Variants in WDFY3 observed in about 807,000 individuals in gnomAD.
The protein encoded by WDFY3 is WD repeat and FYVE domain-containing protein 3.
Under a neutral mutation model 409.6 loss-of-function variants are expected in WDFY3, and 66 were observed. The observed-to-expected ratio is 0.16, with a 90% CI of 0.13 to 0.20. The LOEUF (loss-of-function observed/expected upper bound fraction) is 0.20, where lower values mean the gene tolerates loss of function less well. Among genes scored for constraint, WDFY3 ranks in the 10% least tolerant of loss-of-function variants. The probability of loss-of-function intolerance (pLI) is 1.00; values close to 1 mark genes in which losing one functional copy is unlikely to be tolerated. For synonymous variants in WDFY3, 1,521 were observed against 1,537.1 expected, an observed-to-expected ratio of 0.99 and a Z score of 0.25; for missense variants, 3,031 against 4,298.1, an observed-to-expected ratio of 0.71 and a Z score of 8.24.
At chr4:84,838,464 A>G (rs543119118) in intron 6 of WDFY3, among the ~76,000 whole-genome samples, 2 of 152,202 alleles carry the variant, frequency 1.3e-5, no homozygotes, top group Non-Finnish European at 2.9e-5. Context: ...ACAAAAAGTA[A>G]AAGAGCTAGA....
intron 3 of WDFY3, among the ~76,000 whole-genome samples, chr4:84,876,794 C>G (rs1338338506): frequency 6.6e-6 from 1 of 151,664 alleles, no homozygotes; most frequent in Non-Finnish European, 1.5e-5. Flanking sequence ...CTCACAAAAA[C>G]TTACATATTA....
intron 2 of WDFY3, among the ~76,000 whole-genome samples, chr4:84,904,141 C>A (rs1244864870): frequency 2.6e-5 from 4 of 152,164 alleles, no homozygotes; most frequent in Non-Finnish European, 5.9e-5. Flanking sequence ...TGTCTGTGAA[C>A]CAGGAAGTGG....
chr4:84,678,391 C>T (rs373913000), intron 65 of WDFY3, 112 bp from the exon 66 acceptor site: 1 of 714,796 alleles, frequency 1.4e-6, no homozygotes, highest in Non-Finnish European at 2.4e-6. Flanking sequence ...CATACAGCTA[C>T]AGCAGCTTTT....
chr4:84,883,733 A>G (rs1348715057), intron 3 of WDFY3, among the ~76,000 whole-genome samples: 1 of 152,168 alleles, frequency 6.6e-6, no homozygotes, highest in African/African-American at 2.4e-5. Flanking sequence ...GAAAGACTAT[A>G]AAACTGAAAT....
At chr4:84,834,839 C>T (rs1237176938) in intron 7 of WDFY3, among the ~76,000 whole-genome samples, 3 of 152,114 alleles carry the variant, frequency 2.0e-5, no homozygotes, top group African/African-American at 4.8e-5. Flanking sequence ...ATAATACAAA[C>T]GTAGGGATTG....
At chr4:84,807,248 A>G (rs1037982219) in intron 15 of WDFY3, among the ~76,000 whole-genome samples, 27 of 152,306 alleles carry the variant, frequency 1.8e-4, no homozygotes, top group Admixed American at 1.8e-3. Flanking sequence ...GCTTTTTTAA[A>G]AAAAGAAATT....
intron 24 of WDFY3, among the ~76,000 whole-genome samples, chr4:84,784,850 G>T (rs1286309858): frequency 1.2e-5 from 1 of 81,172 alleles, no homozygotes; most frequent in Admixed American, 1.8e-4. Context: ...AAAAAAAAAA[G>T]TGTATATGTA....
intron 3 of WDFY3, among the ~76,000 whole-genome samples, chr4:84,882,647 T>A (rs549327530): frequency 1.4e-4 from 21 of 152,112 alleles, no homozygotes; most frequent in Admixed American, 2.6e-4. Flanking sequence ...AATATGACTA[T>A]CAGGGACACA....
chr4:84,713,506 T>C (rs983227809), intron 50 of WDFY3, among the ~76,000 whole-genome samples: 4 of 152,200 alleles, frequency 2.6e-5, no homozygotes, highest in African/African-American at 4.8e-5. Flanking sequence ...GCTCTTCCCA[T>C]ATGTGAAAGG....
intron 56 of WDFY3, among the ~76,000 whole-genome samples, chr4:84,700,227 C>T (rs1730858484): frequency 6.6e-6 from 1 of 152,126 alleles, no homozygotes; most frequent in South Asian, 2.1e-4. Context: ...GTTTTGGAGA[C>T]AAGGTGTCAC....
intron 1 of WDFY3, among the ~76,000 whole-genome samples, chr4:84,940,741 A>G (rs889289079): frequency 3.3e-5 from 5 of 152,086 alleles, no homozygotes; most frequent in African/African-American, 4.8e-5. Flanking sequence ...TAGAAATTTC[A>G]TATTTTTTGT....
In WDFY3 at chr4:84,810,116, A is replaced by C. The variant is rs1183912046; in HGVS notation, c.2116T>G (p.Phe706Val). Residue 706 changes from phenylalanine (F) to valine (V), a missense_variant, in exon 14 of 68, where the codon TTC (phenylalanine) becomes GTC (valine). By Grantham distance (50) the Phe-to-Val change is conservative. Coordinates refer to ENST00000295888, the MANE Select transcript of WDFY3 (RefSeq NM_014991.6). ...TTCTCATACTGAATCTCTGTTTTGA[A>C]GAAATGAGAGTTGGCTGGCTCATAG... ...MRYEPANSHFFKTEIQYEKLA... is the reference protein window; with the variant it reads ...MRYEPANSHFVKTEIQYEKLA... 2.5e-6 allele frequency: 4 copies of C among 1,614,072 alleles called. No homozygotes were observed. In the East Asian group the frequency reaches 8.9e-5, roughly 36 times the overall value.
At chr4:84,749,818 G>A (rs562368348) in intron 36 of WDFY3, among the ~76,000 whole-genome samples, 82 of 152,158 alleles carry the variant, frequency 5.4e-4, no homozygotes, top group African/African-American at 1.9e-3. Context: ...ACTCCTACTC[G>A]CTAGTATATT....
At chr4:84,776,969 C>G (rs567472354) in intron 27 of WDFY3, among the ~76,000 whole-genome samples, 1 of 152,078 alleles carries the variant, frequency 6.6e-6, no homozygotes, top group South Asian at 2.1e-4. Context: ...TTGATTAGGG[C>G]TTGAATTAAG....
intron 5 of WDFY3, among the ~76,000 whole-genome samples, chr4:84,844,743 T>C (rs894765798): frequency 2.6e-5 from 4 of 152,330 alleles, no homozygotes; most frequent in East Asian, 1.9e-4. Flanking sequence ...CTGATATAAA[T>C]TGACCATGTG....
intron 30 of WDFY3, among the ~76,000 whole-genome samples, chr4:84,768,961 T>C (rs531922860): frequency 6.6e-6 from 1 of 152,326 alleles, no homozygotes; most frequent in South Asian, 2.1e-4. Context: ...TAACAGGAGT[T>C]GGAAGAAGTT....
intron 32 of WDFY3, among the ~76,000 whole-genome samples, chr4:84,764,541 C>T (rs1326659720): frequency 1.3e-5 from 2 of 152,194 alleles, no homozygotes; most frequent in East Asian, 1.9e-4. Context: ...TCTGAAATAA[C>T]AATACAATAG....
At chr4:84,770,006 TAAAA>T (rs1012538274) in intron 30 of WDFY3, among the ~76,000 whole-genome samples, 1 of 151,660 alleles carries the variant, frequency 6.6e-6, no homozygotes, top group Non-Finnish European at 1.5e-5. Context: ...TTTTTAGCAA[TAAAA>T]AACTTTTAAA....
chr4:84,936,489 T>A (rs1222596072), intron 1 of WDFY3, among the ~76,000 whole-genome samples: 1 of 152,038 alleles, frequency 6.6e-6, no homozygotes, highest in East Asian at 1.9e-4. Flanking sequence ...CCACTGCCCT[T>A]CAGCCTGGGT....
Sources: gnomAD v4.1 joint callset for allele counts (sites outside exome capture counted in the v4.1 genomes callset) on GRCh38, gnomAD v4.1.1 for gene constraint, MANE v1.5 for transcripts, NCBI Gene and HGNC (gene_info 2026-07-23, HGNC 2026-07-21) for gene names.